SEZ6L: variants seen among roughly 807,000 people sequenced by gnomAD.
The protein encoded by SEZ6L is seizure related 6 homolog like, also known as seizure 6-like protein.
A neutral mutation model predicts 106.2 loss-of-function variants in SEZ6L; 37 were observed. The observed-to-expected ratio is 0.35, with a 90% confidence interval of 0.27 to 0.46. SEZ6L has a LOEUF of 0.46. Among genes scored for constraint, SEZ6L ranks in the 20% least tolerant of loss-of-function variants. SEZ6L has a pLI of 1.00. For missense variants in SEZ6L, 1,172 were observed against 1,332.8 expected (o/e 0.88, Z 1.88); for synonymous variants, 541 against 570.4 (o/e 0.95, Z 0.73).
intron 1 of SEZ6L, among the ~76,000 whole-genome samples, chr22:26,243,213 G>A (rs1280306204): frequency 6.6e-6 from 1 of 152,162 alleles, no homozygotes; most frequent in Non-Finnish European, 1.5e-5. Context: ...CACATTCACA[G>A]GTACAGGGGG....
intron 9 of SEZ6L, among the ~76,000 whole-genome samples, chr22:26,329,060 C>T (rs137921014): frequency 3.3e-5 from 5 of 152,152 alleles, no homozygotes; most frequent in East Asian, 3.9e-4. Context: ...TTGAGAACCA[C>T]GGGGCAGTGG....
intron 1 of SEZ6L, among the ~76,000 whole-genome samples, chr22:26,280,578 A>AT (rs1229844303): frequency 6.6e-6 from 1 of 152,096 alleles, no homozygotes; most frequent in Non-Finnish European, 1.5e-5. Flanking sequence ...TAAGCAGCCA[A>AT]TTTGTCTATA....
chr22:26,226,912 C>A (rs929546436), intron 1 of SEZ6L, among the ~76,000 whole-genome samples: 2 of 152,158 alleles, frequency 1.3e-5, no homozygotes, highest in Non-Finnish European at 2.9e-5. Flanking sequence ...TGAAACCACA[C>A]AATAAAGATG....
chr22:26,375,171 G>A (rs571753046), intron 14 of SEZ6L, among the ~76,000 whole-genome samples: 3 of 152,150 alleles, frequency 2.0e-5, no homozygotes, highest in South Asian at 2.1e-4. Flanking sequence ...TGCATCTGGG[G>A]TCCAGACCCA....
chr22:26,344,979 A>C (rs1416245118), intron 10 of SEZ6L, among the ~76,000 whole-genome samples: 1 of 152,238 alleles, frequency 6.6e-6, no homozygotes, highest in African/African-American at 2.4e-5. Context: ...AAAGTTAACA[A>C]GGGCCCATGG....
At chr22:26,266,115 G>A (rs571206705) in intron 1 of SEZ6L, among the ~76,000 whole-genome samples, 1 of 152,316 alleles carries the variant, frequency 6.6e-6, no homozygotes, top group Admixed American at 6.5e-5. Flanking sequence ...GCACACGGGT[G>A]TGTGTGGAAT....
chr22:26,205,133 G>A (rs550415855), intron 1 of SEZ6L, among the ~76,000 whole-genome samples: 89 of 152,288 alleles, frequency 5.8e-4, no homozygotes, highest in Admixed American at 2.2e-3. Context: ...AGAGAAACTC[G>A]CTTTATGTGG....
chr22:26,207,542 G>A (rs183652075), intron 1 of SEZ6L, among the ~76,000 whole-genome samples: 1 of 152,052 alleles, frequency 6.6e-6, no homozygotes, highest in Admixed American at 6.5e-5. Context: ...TGATATGGGT[G>A]GATTTAAATC....
At chr22:26,379,151 A>G (rs1280903716) in intron 16 of SEZ6L, among the ~76,000 whole-genome samples, 1 of 152,108 alleles carries the variant, frequency 6.6e-6, no homozygotes, top group Non-Finnish European at 1.5e-5. Flanking sequence ...GAGGGCCTCA[A>G]TTTCTTGCGG....
intron 1 of SEZ6L, 27 bp from the exon 2 acceptor site, chr22:26,292,379 A>G (rs753919785): frequency 6.4e-7 from 1 of 1,569,618 alleles, no homozygotes; most frequent in Non-Finnish European, 8.7e-7. Context: ...TCCCCAAACT[A>G]ACTGGTGTCT....
intron 1 of SEZ6L, among the ~76,000 whole-genome samples, chr22:26,181,621 ATTAC>A (rs999259815): frequency 7.2e-5 from 11 of 152,182 alleles, no homozygotes; most frequent in African/African-American, 2.7e-4. Context: ...GCTTGAGTAA[ATTAC>A]TTAACCTCTC....
At chr22:26,249,256 T>A (rs1403020937) in intron 1 of SEZ6L, among the ~76,000 whole-genome samples, 1 of 152,122 alleles carries the variant, frequency 6.6e-6, no homozygotes, top group Non-Finnish European at 1.5e-5. Flanking sequence ...CTATAGAACA[T>A]GAGATCTTAT....
At chr22:26,270,025 T>C (rs1226953743) in intron 1 of SEZ6L, among the ~76,000 whole-genome samples, 1 of 152,172 alleles carries the variant, frequency 6.6e-6, no homozygotes, top group East Asian at 1.9e-4. Flanking sequence ...GAAAAGTGGT[T>C]AAGGACACTT....
chr22:26,351,173 T>C lies in SEZ6L; in HGVS notation c.2529T>C (p.Ser843=). The change falls in exon 12 of 17, where the codon AGT becomes AGC. Residue 843 remains serine, a synonymous_variant. Transcript: ENST00000248933. ...ACCCCGGTTTTGTGCTTGAAGGGAG[T>C]TCTCTTCTGACCTGCTACAGCCGTG... is the stretch of plus-strand genomic sequence containing the variant. ...TCNPGFVLEG[S]SLLTCYSRET... is the part of the protein sequence containing the mutation. 6.2e-7 allele frequency: 1 copy of C among 1,613,928 alleles called. No individual in the cohort carries two copies. The highest frequency in any genetic ancestry group is 8.5e-7 in the Non-Finnish European group (1 of 1,179,996).
At chr22:26,269,743 A>T (rs894367176) in intron 1 of SEZ6L, among the ~76,000 whole-genome samples, 1 of 152,316 alleles carries the variant, frequency 6.6e-6, no homozygotes, top group African/African-American at 2.4e-5. Flanking sequence ...TGCCTTACAG[A>T]TGCTGTTTGC....
intron 1 of SEZ6L, among the ~76,000 whole-genome samples, chr22:26,272,247 G>A (rs932503368): frequency 6.6e-6 from 1 of 152,196 alleles, no homozygotes; most frequent in Non-Finnish European, 1.5e-5. Context: ...GGTCCTATTT[G>A]AGGAATTTCA....
At chr22:26,327,684 CCACA>C (rs1475318343) in intron 9 of SEZ6L, among the ~76,000 whole-genome samples, 1 of 151,078 alleles carries the variant, frequency 6.6e-6, no homozygotes, top group African/African-American at 2.4e-5. Flanking sequence ...ACTACACACA[CCACA>C]CACACCCACA....
At chr22:26,346,868 C>T (rs2331247) in intron 10 of SEZ6L, among the ~76,000 whole-genome samples, 47,883 of 151,858 alleles carry the variant, frequency 0.32, 9,332 homozygotes, top group African/African-American at 0.55. Flanking sequence ...ACTTTTGCAA[C>T]CTCCTATTCA....
intron 1 of SEZ6L, among the ~76,000 whole-genome samples, chr22:26,239,613 C>T (rs948875312): frequency 6.6e-6 from 1 of 152,108 alleles, no homozygotes; most frequent in African/African-American, 2.4e-5. Context: ...CAAGATGAGA[C>T]CCCAGACCCC....
Sources: allele counts gnomAD v4.1 joint callset (sites outside exome capture counted in the v4.1 genomes callset), GRCh38; gene constraint gnomAD v4.1.1; transcripts MANE v1.5; gene names NCBI Gene and HGNC (gene_info 2026-07-23, HGNC 2026-07-21).